The following KMT2A variants were observed in gnomAD, a reference collection of about 807,000 sequenced individuals.
KMT2A encodes lysine methyltransferase 2A, also known as histone-lysine N-methyltransferase 2A.
Under a neutral mutation model 345.3 loss-of-function variants are expected in KMT2A, and 16 were observed. That is an observed-to-expected ratio of 0.05 (90% CI 0.03 to 0.07). The LOEUF (loss-of-function observed/expected upper bound fraction) is 0.07, where lower values mean the gene tolerates loss of function less well. KMT2A is among the 10% of genes least tolerant of loss of function. The pLI, the probability that KMT2A is intolerant of heterozygous loss-of-function variation, is 1.00. For missense variants in KMT2A, 3,272 were observed against 4,841.6 expected (o/e 0.68, Z 9.62); for synonymous variants, 1,599 against 1,778.6 (o/e 0.90, Z 2.54).
rs782580553 is a variant in KMT2A, at chr11:118,506,396, A to G, written c.10504A>G (p.Lys3502Glu). The G allele has an allele frequency of 6.2e-7, 1 of 1,614,190 alleles. No homozygotes were observed. The highest frequency in any genetic ancestry group is 1.3e-5 in the African/African-American group (1 of 75,044). Residue 3502 changes from lysine to glutamate, a missense_variant, in exon 27 of 36, where the codon AAG (lysine) becomes GAG (glutamate). By Grantham distance (56) the Lys-to-Glu change is moderately conservative (BLOSUM62 1). Transcript: ENST00000534358. ...TAATAGCATGGGACTGGAGCAGAAC[A>G]AGGCTTTATCCTCAGCTGTGCAAGC... ...APNSMGLEQN[K>E]ALSSAVQASP...
In KMT2A at chr11:118,525,372, G is replaced by A. The variant is rs1217100955; in HGVS notation, c.*3200G>A. 1 of 227,118 alleles carries A rather than the reference G, an allele frequency of 4.4e-6. No homozygotes were observed. 14.1% of individuals were successfully genotyped at this position (227,118 alleles called of 1,614,324 possible). A position where few individuals can be genotyped will look rare whatever the true frequency, so the allele number is the denominator to read the frequency against. The stretch of plus-strand genomic sequence containing the variant: ...TGTGTAACCAGAATAGCTGCATGGC[G>A]CTGACCCTTTGGCCGGAACTTGGTC... On this transcript the variant is annotated 3_prime_UTR_variant, in exon 36 of 36. Transcript: ENST00000534358.
chr11:118,477,497 G>GTTTTTTTTTTTT (rs1565283646), intron 4 of KMT2A, among the ~76,000 whole-genome samples: 1 of 57,326 alleles, frequency 1.7e-5, no homozygotes, highest in African/African-American at 7.1e-5. Context: ...CAAGTTATTG[G>GTTTTTTTTTTTT]CTTTTTTTTT....
At chr11:118,482,820 T>C (rs1555039732) in intron 8 of KMT2A, among the ~76,000 whole-genome samples, 1 of 151,318 alleles carries the variant, frequency 6.6e-6, no homozygotes, top group East Asian at 1.9e-4. Flanking sequence ...TAGTCCCAGG[T>C]ACTCAGGAGG....
In KMT2A at chr11:118,522,433, A is replaced by T. The variant is rs1950991245; in HGVS notation, c.*261A>T. ...CAATTGTTTACTGTTAGAAAGTGGGAATGGGGTCCCTAGCAGACTTGCCTG... is the reference window on the plus strand; with the variant it reads ...CAATTGTTTACTGTTAGAAAGTGGGTATGGGGTCCCTAGCAGACTTGCCTG... On this transcript the variant is annotated 3_prime_UTR_variant, in exon 36 of 36. Coordinates refer to ENST00000534358, the MANE Select transcript of KMT2A (RefSeq NM_001197104.2). This position sits in a 1 kb window ranked among gnomAD's most constrained non-coding sequence, Gnocchi z 5.4. 2.2e-6 allele frequency: 1 copy of T among 450,282 alleles called. No homozygotes were observed. The highest frequency in any genetic ancestry group is 3.0e-5 in the South Asian group (1 of 33,442). The allele number at this position is 450,282 out of a possible 1,614,324, so 27.9% of individuals were successfully genotyped here.
At chr11:118,517,359 G>T (rs1396789679) in intron 31 of KMT2A, among the ~76,000 whole-genome samples, 1 of 136,138 alleles carries the variant, frequency 7.3e-6, no homozygotes. Flanking sequence ...TCGCACCACT[G>T]TACTCCAGCC....
Position 118,480,205 on chromosome 11 carries a change from C to A in KMT2A, c.3601C>A (p.Pro1201Thr). Residue 1201 changes from proline to threonine, a missense_variant, in exon 6 of 36, where the codon CCT becomes ACT. Physicochemically the swap from Pro to Thr is conservative, Grantham distance 38 (BLOSUM62 -1). Transcript: ENST00000534358. Reference sequence around the variant, plus strand: ...AAAATGTCAGAATCTACAATGGATGCCTTCCAAAGCCTACCTGCAGAAGCA... The same window carrying A: ...AAAATGTCAGAATCTACAATGGATGACTTCCAAAGCCTACCTGCAGAAGCA... ...MRKCQNLQWM[P>T]SKAYLQKQAK... 6.2e-7 allele frequency: 1 copy of A among 1,613,498 alleles called. No homozygotes were observed. The highest frequency in any genetic ancestry group is 8.5e-7 in the Non-Finnish European group (1 of 1,179,586).
intron 2 of KMT2A, 98 bp from the exon 3 acceptor site, chr11:118,471,564 C>T (rs1462410982): frequency 5.9e-6 from 4 of 681,890 alleles, no homozygotes; most frequent in Non-Finnish European, 4.7e-6. Context: ...AAGTTGAACT[C>T]AGTACAAAAT....
chr11:118,519,584 C>T (rs998303454), intron 31 of KMT2A, 34 bp from the exon 32 acceptor site: 2 of 1,593,516 alleles, frequency 1.3e-6, no homozygotes, highest in South Asian at 1.1e-5. Context: ...GTTGACTGCG[C>T]TCCTCACTTC....
At chr11:118,489,189 A>T (rs1358288301) in intron 11 of KMT2A, among the ~76,000 whole-genome samples, 2 of 137,718 alleles carry the variant, frequency 1.5e-5, no homozygotes, top group African/African-American at 5.4e-5. Flanking sequence ...CCTGTGGTGC[A>T]GTCTGTCACT....
In KMT2A at chr11:118,502,314, A is replaced by G. The variant is rs1013938816; in HGVS notation, c.6506-84A>G. On this transcript the variant is annotated intron_variant, in intron 26 of 35. Coordinates refer to ENST00000534358, the MANE Select transcript of KMT2A (RefSeq NM_001197104.2). This position sits in a 1 kb window ranked among gnomAD's most constrained non-coding sequence, Gnocchi z 4.9. The stretch of plus-strand genomic sequence containing the variant: ...TCCAGTTACCTATAAATATATATAT[A>G]TATAGTCAAATCATTGAAACCAGTG... 2 of 767,422 alleles carry G rather than the reference A, an allele frequency of 2.6e-6. No homozygotes were observed. The highest frequency in any genetic ancestry group is 3.7e-4 in the Middle Eastern group (1 of 2,722). 47.5% of individuals were successfully genotyped at this position (767,422 alleles called of 1,614,324 possible).
At chr11:118,519,568 T>C (rs2135280617) in intron 31 of KMT2A, 50 bp from the exon 32 acceptor site, 1 of 1,548,584 alleles carries the variant, frequency 6.5e-7, no homozygotes, top group South Asian at 1.1e-5. Flanking sequence ...GACCATGCTG[T>C]TTCCTGTTGA....
chr11:118,498,658 T>TC lies in KMT2A; in HGVS notation c.5961+135dup, dbSNP rs1555044799. ...CCCCTGCACCCACATATGCACAGCC[T>TC]CCCCCATGATCAGCATCCCCCACCA... On this transcript the variant is annotated intron_variant, in intron 22 of 35. Coordinates refer to ENST00000534358, the MANE Select transcript of KMT2A (RefSeq NM_001197104.2). The surrounding 1 kb of genome is among the most constrained non-coding windows in gnomAD (Gnocchi z 4.4). The TC allele has an allele frequency of 3.6e-6, 3 of 831,124 alleles. No homozygotes were observed. Among genetic ancestry groups the TC allele is most frequent in the Non-Finnish European group, 3.6e-6 (2 of 548,920 alleles). 51.5% of individuals were successfully genotyped at this position (831,124 alleles called of 1,614,324 possible).
chr11:118,508,720 CAA>C (rs35633621), intron 28 of KMT2A, among the ~76,000 whole-genome samples: 1,154 of 93,228 alleles, frequency 0.012, 15 homozygotes, highest in Middle Eastern at 0.036. Flanking sequence ...GAACCTATCT[CAA>C]AAAAAAAAAA....
At position 118,519,701 on chromosome 11, in the gene KMT2A, C is replaced by A. The variant is rs1057520053; in HGVS notation, c.11230C>A (p.Arg3744=). 1 of 1,614,102 alleles carries A rather than the reference C, an allele frequency of 6.2e-7. No homozygotes were observed. Among genetic ancestry groups the A allele is most frequent in the Non-Finnish European group, 8.5e-7 (1 of 1,180,008 alleles). The part of the protein sequence containing the change: ...IEQLSGAKHC[R]NYKFRFHKPE... ...GCAGCTGTCTGGTGCCAAGCACTGT[C>A]GAAATTACAAATTCCGTTTCCACAA... Residue 3744 remains arginine, a synonymous_variant, in exon 32 of 36, where the codon CGA becomes AGA. Transcript: ENST00000534358.
intron 1 of KMT2A, chr11:118,438,922 G>A: frequency 2.5e-6 from 1 of 404,536 alleles, no homozygotes; most frequent in East Asian, 7.1e-5. Context: ...CCTTTTCCCA[G>A]CCTTCAGAAG....
chr11:118,490,012 G>A lies in KMT2A; in HGVS notation c.4576-117G>A, dbSNP rs1187369853. On this transcript the variant is annotated intron_variant, in intron 12 of 35. Transcript: ENST00000534358. The surrounding 1 kb of genome is among the most constrained non-coding windows in gnomAD (Gnocchi z 4.2). ...TGACAATCTTTTTGCCTCATTACTA[G>A]GAAATCATCTCAGCAGAGAAATTAA... The A allele has an allele frequency of 7.0e-7, 1 of 1,430,732 alleles. No individual in the cohort carries two copies. Among genetic ancestry groups the A allele is most frequent in the Non-Finnish European group, 9.6e-7 (1 of 1,037,776 alleles). The allele number at this position is 1,430,732 out of a possible 1,614,324, so 88.6% of individuals were successfully genotyped here.
At chr11:118,445,241 A>T (rs958004821) in intron 1 of KMT2A, among the ~76,000 whole-genome samples, 29 of 152,218 alleles carry the variant, frequency 1.9e-4, no homozygotes, top group Admixed American at 5.2e-4. Flanking sequence ...TGGTAACAAC[A>T]TTAGTGTCCA....
At chr11:118,451,911 A>C (rs1303503805) in intron 1 of KMT2A, among the ~76,000 whole-genome samples, 2 of 152,178 alleles carry the variant, frequency 1.3e-5, no homozygotes, top group East Asian at 3.9e-4. Flanking sequence ...CTCAGAACTA[A>C]TGTTAACAGA....
intron 31 of KMT2A, among the ~76,000 whole-genome samples, chr11:118,518,081 T>C (rs1950862629): frequency 6.6e-6 from 1 of 152,186 alleles, no homozygotes; most frequent in Admixed American, 6.5e-5. Context: ...CCTAATACAA[T>C]TACACTTATG....
Sources: allele counts gnomAD v4.1 joint callset (sites outside exome capture counted in the v4.1 genomes callset), GRCh38; gene constraint gnomAD v4.1.1; non-coding constraint Gnocchi (gnomAD v3.1); transcripts MANE v1.5; gene names NCBI Gene and HGNC (gene_info 2026-07-23, HGNC 2026-07-21).